Variants in DPP6 observed in about 807,000 individuals in gnomAD.
DPP6 encodes dipeptidyl peptidase like 6, also known as A-type potassium channel modulatory protein DPP6.
A neutral mutation model predicts 122.6 loss-of-function variants in DPP6; 69 were observed. That is an observed-to-expected ratio of 0.56 (90% CI 0.46 to 0.69). The LOEUF is 0.69. DPP6 is among the 30% of genes least tolerant of loss of function. The pLI is 0.00. For missense variants in DPP6, 928 were observed against 1,116.9 expected, an observed-to-expected ratio of 0.83 and a Z score of 2.41; for synonymous variants, 418 against 433.1, an observed-to-expected ratio of 0.97 and a Z score of 0.43.
intron 1 of DPP6, among the ~76,000 whole-genome samples, chr7:154,169,257 C>T (rs1162516893): frequency 6.6e-6 from 1 of 152,162 alleles, no homozygotes; most frequent in Non-Finnish European, 1.5e-5. Context: ...TTATGCCCAT[C>T]CTTGAAGCAA....
chr7:154,108,856 A>C (rs1267158099), intron 1 of DPP6, among the ~76,000 whole-genome samples: 4 of 152,174 alleles, frequency 2.6e-5, no homozygotes, highest in African/African-American at 9.7e-5. Flanking sequence ...ACCTATACAA[A>C]CCAGCTATAC....
At chr7:154,622,656 A>G (rs1373823030) in intron 5 of DPP6, among the ~76,000 whole-genome samples, 1 of 152,200 alleles carries the variant, frequency 6.6e-6, no homozygotes, top group Non-Finnish European at 1.5e-5. Flanking sequence ...ATACACGTGG[A>G]TACCATAGCA....
chr7:154,459,891 A>G (rs1304364130), intron 2 of DPP6, among the ~76,000 whole-genome samples: 1 of 150,726 alleles, frequency 6.6e-6, no homozygotes, highest in Non-Finnish European at 1.5e-5. Flanking sequence ...TTATTTTCTC[A>G]TACTGTCAGT....
At chr7:153,976,894 C>T (rs1030758906) in intron 1 of DPP6, among the ~76,000 whole-genome samples, 14 of 152,306 alleles carry the variant, frequency 9.2e-5, no homozygotes, top group Non-Finnish European at 1.9e-4. Flanking sequence ...ACCTCATGCT[C>T]CACCAGGAGA....
rs1460764094 is a variant in DPP6, at chr7:154,063,276, C to A, written c.243+10213C>A. Among the ~76,000 whole-genome samples the A allele has an allele frequency of 4.6e-5, 6 of 130,184 alleles. 1 individual carries two copies. Among genetic ancestry groups the A allele is most frequent in the African/African-American group, 1.4e-4 (5 of 35,040 alleles). The allele number at this position is 130,184 out of a possible 152,430, so 85.4% of individuals were successfully genotyped here. On this transcript the variant is annotated intron_variant, in intron 1 of 25. Coordinates refer to ENST00000377770, the MANE Select transcript of DPP6 (RefSeq NM_130797.4). ...CCACTGGCTCTTAGGACCCCCATCGCAGAGGGGGGAGGGACCCCCCATGAG... is the reference window on the plus strand; with the variant it reads ...CCACTGGCTCTTAGGACCCCCATCGAAGAGGGGGGAGGGACCCCCCATGAG...
rs189491869 is a variant in DPP6 at position 154,179,987 on chromosome 7, G to A, written c.243+126924G>A. Among the ~76,000 whole-genome samples, 9 of 152,196 alleles carry A rather than the reference G, an allele frequency of 5.9e-5. No homozygotes were observed. The East Asian group carries it at 1.5e-3, about 26-fold the overall frequency. On this transcript the variant is annotated intron_variant, in intron 1 of 25. Transcript: ENST00000377770. ...ATTGAGACTCTCATAAGAGGATTTC[G>A]GTTTAAAAATGTTGAAAGGTCTTTT... is the stretch of plus-strand genomic sequence containing the variant.
intron 16 of DPP6, among the ~76,000 whole-genome samples, chr7:154,819,333 T>G (rs1799618066): frequency 6.6e-6 from 1 of 152,190 alleles, no homozygotes; most frequent in African/African-American, 2.4e-5. Flanking sequence ...GAGAATCACT[T>G]GAACCCGGGA....
upstream of DPP6, among the ~76,000 whole-genome samples, chr7:153,886,437 A>T (rs1798917136): frequency 6.6e-6 from 1 of 151,926 alleles, no homozygotes; most frequent in South Asian, 2.1e-4. Context: ...GTTCCAGGGT[A>T]GGGAGAGCCG....
chr7:154,302,869 G>T lies in DPP6; in HGVS notation c.244-143345G>T, dbSNP rs547888557. On this transcript the variant is annotated intron_variant, in intron 1 of 25. Transcript: ENST00000377770. ...CCTCTCGTCTGCTGTCTTCCTCCTG[G>T]ATATCACCCCTGGGTCAAGCCCATG... is the stretch of plus-strand genomic sequence containing the variant. Among the ~76,000 whole-genome samples, 7 of 152,202 alleles carry T rather than the reference G, an allele frequency of 4.6e-5. 1 individual carries two copies. The South Asian group carries it at 1.5e-3, about 32-fold the overall frequency.
intron 7 of DPP6, among the ~76,000 whole-genome samples, chr7:154,675,216 G>A (rs77772806): frequency 6.6e-6 from 1 of 152,264 alleles, no homozygotes; most frequent in East Asian, 1.9e-4. Context: ...CGGGGGCGGG[G>A]GGCTAGGGGA....
intron 3 of DPP6, among the ~76,000 whole-genome samples, chr7:154,535,088 A>C (rs1280231028): frequency 1.1e-5 from 1 of 91,138 alleles, no homozygotes; most frequent in Non-Finnish European, 2.1e-5. Flanking sequence ...CATTTTTGAC[A>C]AAAAAAAATG....
intron 1 of DPP6, among the ~76,000 whole-genome samples, chr7:154,138,228 A>G (rs1795676736): frequency 6.6e-6 from 1 of 152,220 alleles, no homozygotes; most frequent in African/African-American, 2.4e-5. Flanking sequence ...CACAGCCAAG[A>G]TGTTTTATGT....
At chr7:154,345,543 C>G (rs1161241263) in intron 1 of DPP6, among the ~76,000 whole-genome samples, 2 of 152,072 alleles carry the variant, frequency 1.3e-5, no homozygotes, top group African/African-American at 2.4e-5. Context: ...TTTGCTGATA[C>G]AGGTAAGCAG....
At chr7:154,062,299 C>T (rs111774412) in intron 1 of DPP6, among the ~76,000 whole-genome samples, 370 of 32,420 alleles carry the variant, frequency 0.011, 56 homozygotes, top group African/African-American at 0.046. Context: ...TCTTCCCCCC[C>T]GGCTCTGAGG....
At chr7:154,228,274 A>G (rs1800724192) in intron 1 of DPP6, among the ~76,000 whole-genome samples, 1 of 152,222 alleles carries the variant, frequency 6.6e-6, no homozygotes, top group Non-Finnish European at 1.5e-5. Context: ...TAACCCAACA[A>G]TGAAGAGACT....
chr7:154,088,365 A>T (rs899771005), intron 1 of DPP6, among the ~76,000 whole-genome samples: 14 of 146,602 alleles, frequency 9.5e-5, no homozygotes, highest in Admixed American at 5.4e-4. Flanking sequence ...CTCTCTTCTG[A>T]GACACTGGTG....
intron 7 of DPP6, among the ~76,000 whole-genome samples, chr7:154,711,735 T>G (rs1841192523): frequency 6.6e-6 from 1 of 152,202 alleles, no homozygotes; most frequent in East Asian, 1.9e-4. Flanking sequence ...GTTTCCCTTT[T>G]GGCCTTGATT....
chr7:153,881,860 A>C, the DPP6 span, among the ~76,000 whole-genome samples: 136 of 152,292 alleles, frequency 8.9e-4, no homozygotes, highest in Non-Finnish European at 1.6e-3. Context: ...CACTTGCTTT[A>C]GCTTTCTTTC....
intron 16 of DPP6, among the ~76,000 whole-genome samples, chr7:154,820,162 C>A (rs73730380): frequency 1.3e-3 from 201 of 152,334 alleles, no homozygotes; most frequent in African/African-American, 4.7e-3. Context: ...CTGGGCCCCA[C>A]CTGGACGAGA....
Sources: gnomAD v4.1 joint callset for allele counts (sites outside exome capture counted in the v4.1 genomes callset) on GRCh38, gnomAD v4.1.1 for gene constraint, MANE v1.5 for transcripts, NCBI Gene and HGNC (gene_info 2026-07-23, HGNC 2026-07-21) for gene names.